RORA: variants seen among roughly 807,000 people sequenced by gnomAD.
RORA encodes the protein nuclear receptor ROR-alpha.
A neutral mutation model predicts 69.5 loss-of-function variants in RORA; 7 were observed. The ratio of observed to expected loss-of-function variants is 0.10; its 90% CI spans 0.06 to 0.19. RORA has a LOEUF of 0.19. Ranked by LOEUF, RORA falls within the 10% of genes least tolerant of loss-of-function variation. The probability of loss-of-function intolerance (pLI) is 1.00; values close to 1 mark genes in which losing one functional copy is unlikely to be tolerated. For missense variants in RORA, 457 were observed against 663.0 expected (o/e 0.69, Z 3.41); for synonymous variants, 261 against 240.8 (o/e 1.08, Z -0.78).
At chr15:60,759,261 C>T (rs2071848782) in intron 1 of RORA, among the ~76,000 whole-genome samples, 1 of 152,204 alleles carries the variant, frequency 6.6e-6, no homozygotes, top group Admixed American at 6.5e-5. Context: ...CTTACAGAGG[C>T]CAGCCTGGAC....
At chr15:61,110,614 G>A (rs375150824) in intron 1 of RORA, among the ~76,000 whole-genome samples, 15 of 152,120 alleles carry the variant, frequency 9.9e-5, no homozygotes, top group African/African-American at 3.1e-4. Context: ...GGCGAGGACA[G>A]CTCAATGCCT....
intron 2 of RORA, among the ~76,000 whole-genome samples, chr15:60,653,613 CA>C (rs1262010626): frequency 1.3e-5 from 2 of 152,106 alleles, no homozygotes; most frequent in Non-Finnish European, 2.9e-5. Flanking sequence ...GGATAAGACT[CA>C]AAAAGATTAA....
At chr15:60,958,517 C>CA (rs1415913846) in intron 1 of RORA, among the ~76,000 whole-genome samples, 1 of 152,166 alleles carries the variant, frequency 6.6e-6, no homozygotes, top group African/African-American at 2.4e-5. Context: ...CGTAGATGCT[C>CA]ATTCGATTAT....
intron 1 of RORA, among the ~76,000 whole-genome samples, chr15:60,766,794 T>C (rs1004998132): frequency 6.6e-6 from 1 of 152,166 alleles, no homozygotes; most frequent in Non-Finnish European, 1.5e-5. Context: ...TTCTGCACTT[T>C]TGAACACCTC....
intron 1 of RORA, among the ~76,000 whole-genome samples, chr15:61,089,911 A>G (rs2078680855): frequency 6.6e-6 from 1 of 152,144 alleles, no homozygotes; most frequent in Admixed American, 6.5e-5. Flanking sequence ...CAGGCCAATG[A>G]CCATTCTGAG....
At chr15:60,570,533 A>T (rs1171784822) in intron 2 of RORA, among the ~76,000 whole-genome samples, 1 of 152,006 alleles carries the variant, frequency 6.6e-6, no homozygotes, top group Non-Finnish European at 1.5e-5. Flanking sequence ...TGTTTTTTGT[A>T]GAGACAGTGT....
intron 1 of RORA, among the ~76,000 whole-genome samples, chr15:61,053,622 A>G (rs976173882): frequency 6.6e-6 from 1 of 151,938 alleles, no homozygotes; most frequent in African/African-American, 2.4e-5. Flanking sequence ...AGCAAAGACC[A>G]GGAGAAAGAG....
chr15:61,141,168 T>C (rs1300534756), intron 1 of RORA, among the ~76,000 whole-genome samples: 3 of 152,208 alleles, frequency 2.0e-5, no homozygotes, highest in African/African-American at 7.2e-5. Flanking sequence ...CAGAGATATA[T>C]TTATAGACCA....
chr15:60,542,395 A>G (rs566032832), intron 2 of RORA, among the ~76,000 whole-genome samples: 51 of 151,892 alleles, frequency 3.4e-4, no homozygotes, highest in Admixed American at 2.9e-3. Context: ...TACGTACACT[A>G]CACACATATA....
intron 2 of RORA, among the ~76,000 whole-genome samples, chr15:60,663,904 TGTAA>T (rs1046957053): frequency 3.9e-5 from 6 of 152,162 alleles, no homozygotes; most frequent in African/African-American, 7.2e-5. Flanking sequence ...CCAGAATTCT[TGTAA>T]GTAAGACTCT....
At chr15:61,096,179 G>A (rs2078787308) in intron 1 of RORA, among the ~76,000 whole-genome samples, 1 of 152,202 alleles carries the variant, frequency 6.6e-6, no homozygotes, top group Non-Finnish European at 1.5e-5. Context: ...GTGTGAGGCA[G>A]AGCCAGGTGT....
intron 1 of RORA, among the ~76,000 whole-genome samples, chr15:60,894,711 G>A (rs1891183822): frequency 6.6e-6 from 1 of 152,230 alleles, no homozygotes; most frequent in Non-Finnish European, 1.5e-5. Context: ...CTGAGAATAT[G>A]CATTTCTAGC....
intron 1 of RORA, among the ~76,000 whole-genome samples, chr15:61,180,143 C>CAAAAAAAAA (rs71456351): frequency 3.3e-4 from 12 of 36,672 alleles, no homozygotes; most frequent in Non-Finnish European, 4.3e-4. Context: ...GACTCCATCT[C>CAAAAAAAAA]AAAAAAAAAA....
chr15:60,974,351 C>T (rs1893814914), intron 1 of RORA, among the ~76,000 whole-genome samples: 1 of 152,218 alleles, frequency 6.6e-6, no homozygotes, highest in East Asian at 1.9e-4. Flanking sequence ...CACCCCCTTG[C>T]CAGCTCATTT....
chr15:61,057,368 G>C (rs1190350055), intron 1 of RORA, among the ~76,000 whole-genome samples: 2 of 152,150 alleles, frequency 1.3e-5, no homozygotes, highest in South Asian at 2.1e-4. Context: ...ACAAACATTT[G>C]ACTTTTATGC....
chr15:60,868,461 T>G (rs116055795), intron 1 of RORA, among the ~76,000 whole-genome samples: 1 of 152,104 alleles, frequency 6.6e-6, no homozygotes, highest in African/African-American at 2.4e-5. Flanking sequence ...TTGAAAGCTG[T>G]TTTATTAGCT....
chr15:60,557,026 T>A, intron 2 of RORA: 6 of 949,832 alleles, frequency 6.3e-6, no homozygotes, highest in Admixed American at 4.4e-5. Flanking sequence ...TGAACAGCAA[T>A]AAGTACCCAA....
chr15:60,527,778 C>T (rs1478460991), intron 3 of RORA, among the ~76,000 whole-genome samples: 1 of 152,184 alleles, frequency 6.6e-6, no homozygotes, highest in Non-Finnish European at 1.5e-5. Flanking sequence ...TGCCTGTCTA[C>T]CCTCATCTTC....
chr15:60,580,274 A>G lies in RORA; in HGVS notation c.197-48423T>C, dbSNP rs1372153001. On this transcript the variant is annotated intron_variant, in intron 2 of 10. Transcript: ENST00000335670. ...TGGTTTAACAGGTCTAAATTTCATT[A>G]TGTCACACACCTGTTAAGTAATGCA... 2.0e-5 allele frequency among the ~76,000 whole-genome samples: 3 copies of G among 152,330 alleles called. No individual in the cohort carries two copies. The East Asian group carries it at 5.8e-4, about 29-fold the overall frequency.
Sources: allele counts gnomAD v4.1 joint callset (sites outside exome capture counted in the v4.1 genomes callset), GRCh38; gene constraint gnomAD v4.1.1; transcripts MANE v1.5; gene names NCBI Gene and HGNC (gene_info 2026-07-23, HGNC 2026-07-21).